PROS1: variants seen among roughly 807,000 people sequenced by gnomAD.
The protein encoded by PROS1 is vitamin K-dependent protein S.
PROS1 carries 29 observed loss-of-function variants against 75.9 expected under a neutral mutation model. That is an observed-to-expected ratio of 0.38 (90% CI 0.28 to 0.52). The LOEUF is 0.52. PROS1 is among the 20% of genes least tolerant of loss of function. The probability of loss-of-function intolerance (pLI) is 0.83; values close to 1 mark genes in which losing one functional copy is unlikely to be tolerated. For synonymous variants in PROS1, 245 were observed against 280.6 expected, an observed-to-expected ratio of 0.87 and a Z score of 1.27; for missense variants, 680 against 810.3, an observed-to-expected ratio of 0.84 and a Z score of 1.95.
intron 12 of PROS1, 38 bp from the exon 13 acceptor site, chr3:93,879,352 C>G (rs758475782): frequency 7.5e-6 from 12 of 1,605,152 alleles, no homozygotes; most frequent in Non-Finnish European, 9.4e-6. Flanking sequence ...GATCAATGCA[C>G]TCCTAAAGTG....
intron 1 of PROS1, among the ~76,000 whole-genome samples, chr3:93,962,407 A>G (rs936301129): frequency 6.6e-6 from 1 of 152,172 alleles, no homozygotes; most frequent in African/African-American, 2.4e-5. Context: ...CTGATCCAGA[A>G]CCTCTTGAGT....
chr3:93,891,630 G>C (rs541756990), intron 10 of PROS1, among the ~76,000 whole-genome samples: 8 of 152,014 alleles, frequency 5.3e-5, no homozygotes, highest in African/African-American at 1.9e-4. Context: ...GGCTGCTCTC[G>C]AACTCCTGAT....
In PROS1 at chr3:93,973,323, C is replaced by T. The variant is rs146274532; in HGVS notation, c.76+351G>A. On this transcript the variant is annotated intron_variant, in intron 1 of 14. Transcript: ENST00000394236. ...GGGAAGACACAGTGTGTTACCTTTTCTTCCCTACTCATAAGCTAGAATCTG... is the reference window on the plus strand; with the variant it reads ...GGGAAGACACAGTGTGTTACCTTTTTTTCCCTACTCATAAGCTAGAATCTG... Among the ~76,000 whole-genome samples the T allele has an allele frequency of 6.9e-3, 1,058 of 152,276 alleles. 5 individuals are homozygous for T. The highest frequency in any genetic ancestry group is 0.011 in the Non-Finnish European group (768 of 68,024).
chr3:93,885,299 C>T (rs1388782857), intron 11 of PROS1, among the ~76,000 whole-genome samples: 4 of 152,188 alleles, frequency 2.6e-5, no homozygotes, highest in Non-Finnish European at 4.4e-5. Context: ...GATCTTGGCT[C>T]ACTGCAACCT....
At chr3:93,900,767 C>T (rs200506991) in intron 7 of PROS1, 37 bp downstream of exon 7, 4 of 1,611,412 alleles carry the variant, frequency 2.5e-6, no homozygotes, top group Non-Finnish European at 1.7e-6. Flanking sequence ...CACACCCACC[C>T]TCTCCACCAT....
chr3:93,972,868 C>T (rs549862101), intron 1 of PROS1, among the ~76,000 whole-genome samples: 1 of 151,848 alleles, frequency 6.6e-6, no homozygotes, highest in Non-Finnish European at 1.5e-5. Flanking sequence ...AACAAAAAGG[C>T]GTTTTTATTC....
At chr3:93,913,122 C>T (rs1708784991) in intron 3 of PROS1, among the ~76,000 whole-genome samples, 1 of 152,108 alleles carries the variant, frequency 6.6e-6, no homozygotes, top group Admixed American at 6.6e-5. Flanking sequence ...CCATGCTGTT[C>T]TCATGATAGT....
intron 10 of PROS1, among the ~76,000 whole-genome samples, chr3:93,892,158 T>C (rs1185986511): frequency 1.3e-5 from 2 of 151,736 alleles, no homozygotes; most frequent in Admixed American, 6.6e-5. Flanking sequence ...GGTGAAAACC[T>C]GTCTCTACTA....
intron 1 of PROS1, among the ~76,000 whole-genome samples, chr3:93,935,066 G>C (rs954297120): frequency 6.6e-6 from 1 of 152,020 alleles, no homozygotes; most frequent in South Asian, 2.1e-4. Flanking sequence ...TAGAATACAC[G>C]GCTTTATTAC....
At chr3:93,949,696 A>G (rs564751328) in intron 1 of PROS1, among the ~76,000 whole-genome samples, 3 of 152,230 alleles carry the variant, frequency 2.0e-5, no homozygotes, top group African/African-American at 7.2e-5. Flanking sequence ...TATTTTAAGA[A>G]GTTGAAAGAA....
intron 1 of PROS1, among the ~76,000 whole-genome samples, chr3:93,960,372 T>C (rs1709686735): frequency 6.6e-6 from 1 of 151,752 alleles, no homozygotes; most frequent in Non-Finnish European, 1.5e-5. Flanking sequence ...AGAGATGAGT[T>C]TCACTGTGTT....
intron 7 of PROS1, among the ~76,000 whole-genome samples, chr3:93,899,641 T>C (rs1239901629): frequency 1.3e-5 from 2 of 152,102 alleles, no homozygotes; most frequent in Non-Finnish European, 1.5e-5. Flanking sequence ...TTTTTGGTGA[T>C]TGCAAAAGGA....
rs182714931 is a variant in PROS1 at position 93,919,726 on chromosome 3, C to T, written c.259+4514G>A. Among the ~76,000 whole-genome samples the T allele has an allele frequency of 1.2e-4, 18 of 152,162 alleles. No individual in the cohort carries two copies. The East Asian group carries it at 1.9e-3, about 16-fold the overall frequency. On this transcript the variant is annotated intron_variant, in intron 3 of 14. Transcript: ENST00000394236. ...CTTTAATTTCATGGTTTTATTTTAA[C>T]ATTTTTGTCTTTATTCCATCTAGAA...
chr3:93,876,569 AC>A (rs1377716896), intron 14 of PROS1, among the ~76,000 whole-genome samples: 4 of 140,792 alleles, frequency 2.8e-5, no homozygotes, highest in African/African-American at 1.1e-4. Flanking sequence ...AGCCTGGGCG[AC>A]AGAGCCAGAC....
chr3:93,921,587 T>G (rs1708944251), intron 3 of PROS1, among the ~76,000 whole-genome samples: 1 of 152,234 alleles, frequency 6.6e-6, no homozygotes, highest in African/African-American at 2.4e-5. Context: ...CTAAGTTCTC[T>G]ATTGCTTCCT....
chr3:93,912,121 C>T (rs752935464), intron 3 of PROS1, among the ~76,000 whole-genome samples: 3 of 152,156 alleles, frequency 2.0e-5, no homozygotes, highest in Non-Finnish European at 1.5e-5. Context: ...AAAGGGCTAG[C>T]AGGGATCCAT....
At chr3:93,898,857 A>AG (rs1192815008) in intron 7 of PROS1, among the ~76,000 whole-genome samples, 1 of 152,130 alleles carries the variant, frequency 6.6e-6, no homozygotes, top group African/African-American at 2.4e-5. Context: ...TTGAATTTGA[A>AG]GAAAAAAAAG....
chr3:93,886,205 T>C (rs1453447448), intron 11 of PROS1, 131 bp downstream of exon 11: 7 of 739,758 alleles, frequency 9.5e-6, no homozygotes, highest in African/African-American at 7.0e-5. Context: ...TTTTCCATGA[T>C]CATTTCAAGT....
intron 2 of PROS1, among the ~76,000 whole-genome samples, chr3:93,925,814 C>A (rs1157405165): frequency 7.1e-6 from 1 of 139,930 alleles, no homozygotes; most frequent in Non-Finnish European, 1.6e-5. Context: ...CAGAGCAAGA[C>A]CCTGTCTAAA....
Sources: gnomAD v4.1 joint callset for allele counts (sites outside exome capture counted in the v4.1 genomes callset) on GRCh38, gnomAD v4.1.1 for gene constraint, MANE v1.5 for transcripts, NCBI Gene and HGNC (gene_info 2026-07-23, HGNC 2026-07-21) for gene names.